The following NOL6 variants were observed in gnomAD, a reference collection of about 807,000 sequenced individuals.
The protein encoded by NOL6 is nucleolar protein 6, also known as nucleolar RNA-associated protein.
A neutral mutation model predicts 131.7 loss-of-function variants in NOL6; 33 were observed. The ratio of observed to expected loss-of-function variants is 0.25; its 90% CI spans 0.19 to 0.33. The LOEUF (loss-of-function observed/expected upper bound fraction) is 0.33, where lower values mean the gene tolerates loss of function less well. NOL6 is among the 10% of genes least tolerant of loss of function. The probability of loss-of-function intolerance (pLI) is 1.00; values close to 1 mark genes in which losing one functional copy is unlikely to be tolerated. For synonymous variants in NOL6, 580 were observed against 605.7 expected, an observed-to-expected ratio of 0.96 and a Z score of 0.62; for missense variants, 1,297 against 1,494.5, an observed-to-expected ratio of 0.87 and a Z score of 2.18.
At chr9:33,470,247 C>A (rs1305639256) in intron 3 of NOL6, 56 bp from the exon 4 acceptor site, 10 of 1,388,126 alleles carry the variant, frequency 7.2e-6, no homozygotes, top group East Asian at 2.6e-5. Flanking sequence ...TCACATGTAC[C>A]CTTTATGTCT....
intron 8 of NOL6, 59 bp downstream of exon 8, chr9:33,468,693 G>C (rs896967955): frequency 8.7e-6 from 14 of 1,612,378 alleles, no homozygotes; most frequent in Non-Finnish European, 1.2e-5. Context: ...CTGCTACTGG[G>C]ATGAGAGGAT....
intron 5 of NOL6, 71 bp from the exon 6 acceptor site, chr9:33,469,412 C>G (rs892507997): frequency 1.3e-5 from 21 of 1,608,794 alleles, no homozygotes; most frequent in Middle Eastern, 1.7e-4. Context: ...TCCTGTCCCC[C>G]CATACTTGAG....
rs867350221 is a variant in NOL6, at chr9:33,464,954, G to C, written c.2704C>G (p.Arg902Gly). The stretch of plus-strand genomic sequence containing the variant: ...AACGTTGATACCAAGAAAAGGAATC[G>C]AAGGAAGCCAACCTGGGGGGAACTA... The part of the protein sequence containing the change: ...PPSSPQVGFL[R>G]FLFLVSTFDW... Residue 902 changes from arginine (R) to glycine (G), a missense_variant, in exon 21 of 26, where the codon CGA becomes GGA. Arg to Gly is a moderately radical substitution (Grantham distance 125). Coordinates refer to ENST00000297990, the MANE Select transcript of NOL6 (RefSeq NM_022917.5). 6.2e-7 allele frequency: 1 copy of C among 1,613,912 alleles called. No individual in the cohort carries two copies. Among genetic ancestry groups the C allele is most frequent in the Non-Finnish European group, 8.5e-7 (1 of 1,179,902 alleles).
chr9:33,468,719 AG>A, intron 8 of NOL6, 32 bp downstream of exon 8: 1 of 1,613,702 alleles, frequency 6.2e-7, no homozygotes, highest in South Asian at 1.1e-5. Flanking sequence ...GGAGGAGTGG[AG>A]CCCCTGGCCT....
chr9:33,467,288 G>T lies in NOL6; in HGVS notation c.1726-26C>A. ...CTGAGGAGGCAAGGGTGGTAGTAGA[G>T]CTGGGGAAGGAAGGGCTCTGTGGAC... On this transcript the variant is annotated intron_variant, in intron 13 of 25. Coordinates refer to ENST00000297990, the MANE Select transcript of NOL6 (RefSeq NM_022917.5). The surrounding 1 kb of genome is among the most constrained non-coding windows in gnomAD (Gnocchi z 4.4). The T allele has an allele frequency of 6.2e-7, 1 of 1,612,772 alleles. No homozygotes were observed. Among genetic ancestry groups the T allele is most frequent in the Non-Finnish European group, 8.5e-7 (1 of 1,178,910 alleles).
chr9:33,464,722 A>G lies in NOL6; in HGVS notation c.2779+157T>C, dbSNP rs557310879. 2.0e-5 allele frequency among the ~76,000 whole-genome samples: 3 copies of G among 152,220 alleles called. No homozygotes were observed. The East Asian group carries it at 5.8e-4, about 29-fold the overall frequency. ...ACAATTAAGAGCAAACCATGTCATA[A>G]TGGTCAGGCTGTTCACCTGGACCTC... On this transcript the variant is annotated intron_variant, in intron 21 of 25. Transcript: ENST00000297990.
chr9:33,473,760 C>G (rs769619133), intron 1 of NOL6, 29 bp downstream of exon 1: 1 of 1,611,216 alleles, frequency 6.2e-7, no homozygotes, highest in East Asian at 2.2e-5. Context: ...CACATTGAGC[C>G]TCTGTTCCTC....
At chr9:33,470,610 G>C (rs1289518333) in intron 3 of NOL6, 19 of 152,858 alleles carry the variant, frequency 1.2e-4, no homozygotes, top group Admixed American at 1.2e-3. Context: ...GCGTGAACCC[G>C]GAAGGCGGAG....
chr9:33,469,218 G>T lies in NOL6; in HGVS notation c.851C>A (p.Pro284His). 6.2e-7 allele frequency: 1 copy of T among 1,614,206 alleles called. No homozygotes were observed. The highest frequency in any genetic ancestry group is 1.3e-5 in the African/African-American group (1 of 75,070). ...VRSAWYRGQS[P>H]AGDGSPEPPT... ...CAGGGCCTGCTCACCATCCCCTGCA[G>T]GACTCTGCCCTCGGTACCAGGCAGA... is the stretch of plus-strand genomic sequence containing the variant. The change falls in exon 6 of 26, where the codon CCT (proline) becomes CAT (histidine). Residue 284 changes from proline (P) to histidine (H), a missense_variant. Coordinates refer to ENST00000297990, the MANE Select transcript of NOL6 (RefSeq NM_022917.5).
rs113499109 is a variant in NOL6, at chr9:33,467,912, G to A, written c.1425-44C>T. 81 of 1,583,344 alleles carry A rather than the reference G, an allele frequency of 5.1e-5. No homozygotes were observed. In the African/African-American group the frequency reaches 9.0e-4, roughly 18 times the overall value. The stretch of plus-strand genomic sequence containing the variant: ...CCAAAGAGGGGTAATCAGGTTGCTG[G>A]CCCCTAGTACCACCTCCTCCCTGAA... On this transcript the variant is annotated intron_variant, in intron 11 of 25. Transcript: ENST00000297990. The surrounding 1 kb of genome is among the most constrained non-coding windows in gnomAD (Gnocchi z 4.4).
At chr9:33,471,549 A>G (rs148168348) in intron 3 of NOL6, among the ~76,000 whole-genome samples, 5 of 152,258 alleles carry the variant, frequency 3.3e-5, no homozygotes, top group African/African-American at 1.2e-4. Flanking sequence ...TTAGATATCT[A>G]TATAGCTGAC....
In NOL6 at chr9:33,472,116, T is replaced by C. The variant is rs1482745992; in HGVS notation, c.266A>G (p.Glu89Gly). The C allele has an allele frequency of 2.5e-6, 4 of 1,614,038 alleles. No individual in the cohort carries two copies. The African/African-American group carries it at 5.3e-5, about 22-fold the overall frequency. The change falls in exon 3 of 26, where the codon GAG becomes GGG. Residue 89 changes from glutamate to glycine, a missense_variant. Glu to Gly is a moderately conservative substitution (Grantham distance 98). Coordinates refer to ENST00000297990, the MANE Select transcript of NOL6 (RefSeq NM_022917.5). Reference sequence around the variant, plus strand: ...CAGCCTTACTTCCTTTAGTAGCTCCTCTACCTGTAAGAGAGGGTAGAAGAC... The same window carrying C: ...CAGCCTTACTTCCTTTAGTAGCTCCCCTACCTGTAAGAGAGGGTAGAAGAC... ...FHSSLLRLQV[E>G]ELLKEVRLSE...
At chr9:33,470,821 C>T (rs1280993119) in intron 3 of NOL6, 1 of 150,706 alleles carries the variant, frequency 6.6e-6, no homozygotes, top group Non-Finnish European at 1.5e-5. Flanking sequence ...TGGATCACTT[C>T]ACTACTTTCC....
Position 33,466,936 on chromosome 9 carries a change from A to C in NOL6, c.1926T>G (p.Asp642Glu). The C allele has an allele frequency of 6.2e-7, 1 of 1,614,172 alleles. No individual in the cohort carries two copies. The highest frequency in any genetic ancestry group is 8.5e-7 in the Non-Finnish European group (1 of 1,180,024). The change falls in exon 15 of 26, where the codon GAT becomes GAG. Residue 642 changes from aspartate (D) to glutamate (E), a missense_variant. Asp to Glu is a conservative substitution (Grantham distance 45). Coordinates refer to ENST00000297990, the MANE Select transcript of NOL6 (RefSeq NM_022917.5). ...CCTCTTTCAGGCCTTGGATAAGTGC[A>C]TCCAGGGGGCCCCCCACATAGTGGA... ...TCVHYVGGPL[D>E]ALIQGLKETS...
In NOL6 at chr9:33,461,916, T is replaced by C. The variant is rs1449127064; in HGVS notation, c.*748A>G. ...CTGCAACCCCACTGCAGGTACATAGTAGTGGCAGTTTGTGACATGAACGGG... is the reference window on the plus strand; with the variant it reads ...CTGCAACCCCACTGCAGGTACATAGCAGTGGCAGTTTGTGACATGAACGGG... On this transcript the variant is annotated 3_prime_UTR_variant, in exon 26 of 26. Coordinates refer to ENST00000297990, the MANE Select transcript of NOL6 (RefSeq NM_022917.5). 2 of 517,020 alleles carry C rather than the reference T, an allele frequency of 3.9e-6. No individual in the cohort carries two copies. The highest frequency in any genetic ancestry group is 6.3e-5 in the East Asian group (2 of 31,634). The allele number at this position is 517,020 out of a possible 1,614,324, so 32.0% of individuals were successfully genotyped here.
chr9:33,466,656 G>A lies in NOL6; in HGVS notation c.2004C>T (p.Asp668=), dbSNP rs1399304661. The A allele has an allele frequency of 2.5e-6, 4 of 1,614,004 alleles. No individual in the cohort carries two copies. Among genetic ancestry groups the A allele is most frequent in the East Asian group, 2.2e-5 (1 of 44,888 alleles). ...CTAGCCCCCACAGTAGGCGACTGAG[G>A]TCGTCGTAGCAACGTACCGCCGCTA... ...ALVAAVRCYD[D]LSRLLWGLEG... Residue 668 remains aspartate (D), a synonymous_variant, in exon 16 of 26, where the codon GAC becomes GAT. Transcript: ENST00000297990.
At chr9:33,471,724 CA>C in intron 3 of NOL6, among the ~76,000 whole-genome samples, 1 of 152,344 alleles carries the variant, frequency 6.6e-6, no homozygotes, top group East Asian at 1.9e-4. Flanking sequence ...CTAACATTGC[CA>C]TAGAGTTTAC....
rs781250764 is a variant in NOL6, at chr9:33,473,822, T to G, written c.21A>C (p.Gly7=). The G allele has an allele frequency of 4.3e-6, 7 of 1,611,522 alleles. No individual in the cohort carries two copies. In the African/African-American group the frequency reaches 8.0e-5, roughly 18 times the overall value. The part of the protein sequence containing the change: MGPAPA[G]EQLRGATGEP... The stretch of plus-strand genomic sequence containing the variant: ...CTCCAGTCGCTCCGCGAAGCTGCTC[T>G]CCAGCTGGCGCCGGCCCCATCACTC... The change falls in exon 1 of 26, where the codon GGA becomes GGC. Residue 7 remains glycine (G), a synonymous_variant. Transcript: ENST00000297990.
At position 33,462,812 on chromosome 9, in the gene NOL6, G is replaced by T. The variant is rs760542978; in HGVS notation, c.3293C>A (p.Ala1098Asp). The change falls in exon 26 of 26, where the codon GCC becomes GAC. Residue 1098 changes from alanine (A) to aspartate (D), a missense_variant and splice_region_variant. By Grantham distance (126) the Ala-to-Asp change is moderately radical (BLOSUM62 -2). Coordinates refer to ENST00000297990, the MANE Select transcript of NOL6 (RefSeq NM_022917.5). The part of the protein sequence containing the change: ...PTSFQPQPFK[A>D]SSTKGRMVMS... The stretch of plus-strand genomic sequence containing the variant: ...CACCATGCGCCCCTTTGTGCTGGAG[G>T]CCTGGGGAAATCAGAGAAGAGATGT... 1 of 1,614,034 alleles carries T rather than the reference G, an allele frequency of 6.2e-7. No homozygotes were observed. The highest frequency in any genetic ancestry group is 8.5e-7 in the Non-Finnish European group (1 of 1,179,974).
Sources: gnomAD v4.1 joint callset for allele counts (sites outside exome capture counted in the v4.1 genomes callset) on GRCh38, gnomAD v4.1.1 for gene constraint, Gnocchi (gnomAD v3.1) non-coding constraint, MANE v1.5 for transcripts, NCBI Gene and HGNC (gene_info 2026-07-23, HGNC 2026-07-21) for gene names.